CCSER1: variants seen among roughly 807,000 people sequenced by gnomAD.
The protein encoded by CCSER1 is serine-rich coiled-coil domain-containing protein 1.
CCSER1 carries 41 observed loss-of-function variants against 82.0 expected under a neutral mutation model. The ratio of observed to expected loss-of-function variants is 0.50; its 90% confidence interval spans 0.39 to 0.65. The LOEUF (loss-of-function observed/expected upper bound fraction) is 0.65, where lower values mean the gene tolerates loss of function less well. Among genes scored for constraint, CCSER1 ranks in the 30% least tolerant of loss-of-function variants. The probability of loss-of-function intolerance (pLI) is 0.00; values close to 1 mark genes in which losing one functional copy is unlikely to be tolerated. For synonymous variants in CCSER1, 414 were observed against 383.9 expected (o/e 1.08, Z -0.92); for missense variants, 1,119 against 1,064.2 (o/e 1.05, Z -0.72).
rs188314787 is a variant in CCSER1, at chr4:90,643,810, G to A, written c.1932+15578G>A. 8.8e-4 allele frequency among the ~76,000 whole-genome samples: 130 copies of A among 147,020 alleles called. 4 individuals carry two copies. In the East Asian group the frequency reaches 0.023, roughly 26 times the overall value. ...CATAGGTTTCTTTGGGTGTAATAAG[G>A]GGATTAAAAAAATCATATAAATGTT... On this transcript the variant is annotated intron_variant, in intron 6 of 10. Coordinates refer to ENST00000509176, the MANE Select transcript of CCSER1 (RefSeq NM_001145065.2).
chr4:91,457,931 G>A (rs182792003), intron 10 of CCSER1, among the ~76,000 whole-genome samples: 6 of 152,194 alleles, frequency 3.9e-5, no homozygotes, highest in East Asian at 3.9e-4. Flanking sequence ...GATATATGAT[G>A]TCAGACTATG....
intron 8 of CCSER1, among the ~76,000 whole-genome samples, chr4:90,833,836 C>T (rs1367067838): frequency 2.6e-5 from 4 of 152,104 alleles, no homozygotes; most frequent in Non-Finnish European, 5.9e-5. Flanking sequence ...TGGTCTTCAC[C>T]CTCAAGAATG....
chr4:91,558,213 CA>C (rs936687503), intron 10 of CCSER1, among the ~76,000 whole-genome samples: 32 of 151,280 alleles, frequency 2.1e-4, no homozygotes, highest in Non-Finnish European at 4.1e-4. Flanking sequence ...TATTCTCTTC[CA>C]AAACTTCATT....
At chr4:91,152,067 A>C (rs775884303) in intron 10 of CCSER1, among the ~76,000 whole-genome samples, 1 of 152,192 alleles carries the variant, frequency 6.6e-6, no homozygotes, top group Non-Finnish European at 1.5e-5. Flanking sequence ...TCATGTTGAC[A>C]GTGGGGTGTT....
chr4:90,387,064 G>A lies in CCSER1; in HGVS notation c.1510-12972G>A, dbSNP rs561368070. Among the ~76,000 whole-genome samples the A allele has an allele frequency of 9.9e-5, 15 of 152,168 alleles. No homozygotes were observed. The South Asian group carries it at 1.0e-3, about 11-fold the overall frequency. ...ATAAGAGTTAATGAATAAGGAATAC[G>A]TTAATTTTTATTACCAGAATTATGA... On this transcript the variant is annotated intron_variant, in intron 3 of 10. Coordinates refer to ENST00000509176, the MANE Select transcript of CCSER1 (RefSeq NM_001145065.2).
At chr4:91,334,087 T>G (rs55833235) in intron 10 of CCSER1, among the ~76,000 whole-genome samples, 1 of 152,064 alleles carries the variant, frequency 6.6e-6, no homozygotes, top group African/African-American at 2.4e-5. Flanking sequence ...AAAAATTCAG[T>G]GTTATTTCAA....
chr4:91,561,561 T>C (rs1762652333), intron 10 of CCSER1, among the ~76,000 whole-genome samples: 1 of 151,518 alleles, frequency 6.6e-6, no homozygotes, highest in African/African-American at 2.4e-5. Flanking sequence ...TAGCAATACA[T>C]GATATATGTA....
chr4:91,257,411 A>C (rs1369990768), intron 10 of CCSER1, among the ~76,000 whole-genome samples: 2 of 151,654 alleles, frequency 1.3e-5, no homozygotes, highest in Non-Finnish European at 2.9e-5. Flanking sequence ...TTTAATATTC[A>C]TGGTTTGACT....
chr4:91,449,471 A>G (rs1755755044), intron 10 of CCSER1, among the ~76,000 whole-genome samples: 1 of 151,934 alleles, frequency 6.6e-6, no homozygotes, highest in South Asian at 2.1e-4. Flanking sequence ...CTCAGTAGAC[A>G]CCTCTCTCTC....
chr4:91,506,947 A>G lies in CCSER1; in HGVS notation c.2218-91625A>G, dbSNP rs573705063. Among the ~76,000 whole-genome samples, 15 of 152,310 alleles carry G rather than the reference A, an allele frequency of 9.8e-5. 1 individual carries two copies. In the East Asian group the frequency reaches 2.1e-3, roughly 22 times the overall value. ...CATATTATTTTTATGGTTCATTCAT[A>G]TTGTAGCATGTATCAATGCCTCATT... is the stretch of plus-strand genomic sequence containing the variant. On this transcript the variant is annotated intron_variant, in intron 10 of 10. Coordinates refer to ENST00000509176, the MANE Select transcript of CCSER1 (RefSeq NM_001145065.2).
chr4:90,485,308 A>T (rs1205910357), intron 5 of CCSER1, among the ~76,000 whole-genome samples: 1 of 152,082 alleles, frequency 6.6e-6, no homozygotes, highest in African/African-American at 2.4e-5. Flanking sequence ...GAATTCCCTG[A>T]CCCGTTGCAC....
chr4:90,152,356 C>T (rs1256709590), intron 1 of CCSER1, among the ~76,000 whole-genome samples: 1 of 152,144 alleles, frequency 6.6e-6, no homozygotes, highest in Non-Finnish European at 1.5e-5. Flanking sequence ...TGCCCTTAAC[C>T]TGAGGCCAGG....
chr4:91,497,486 TA>T (rs1758987336), intron 10 of CCSER1, among the ~76,000 whole-genome samples: 1 of 151,804 alleles, frequency 6.6e-6, no homozygotes, highest in Admixed American at 6.6e-5. Context: ...ATAGATTATT[TA>T]ATCTGTAATG....
chr4:91,123,099 C>A (rs559525540), intron 10 of CCSER1, among the ~76,000 whole-genome samples: 7 of 151,652 alleles, frequency 4.6e-5, no homozygotes, highest in Middle Eastern at 3.4e-3. Flanking sequence ...TTCAATGATA[C>A]CTTTTTTAAA....
chr4:90,578,754 C>G (rs1297355024), intron 5 of CCSER1, among the ~76,000 whole-genome samples: 1 of 152,042 alleles, frequency 6.6e-6, no homozygotes, highest in Non-Finnish European at 1.5e-5. Context: ...ATTGTTCTGC[C>G]TGTAAAAGTA....
intron 5 of CCSER1, among the ~76,000 whole-genome samples, chr4:90,546,050 T>C (rs1776711098): frequency 6.6e-6 from 1 of 152,150 alleles, no homozygotes; most frequent in Admixed American, 6.6e-5. Flanking sequence ...GATGTGAGTT[T>C]CAAGGGCTGC....
At chr4:90,616,723 ACACACACACACACAC>A (rs1272379239) in intron 5 of CCSER1, among the ~76,000 whole-genome samples, 9 of 113,474 alleles carry the variant, frequency 7.9e-5, no homozygotes, top group African/African-American at 3.3e-4. Flanking sequence ...ACACACACAC[ACACACACACACACAC>A]AAATAAAATA....
intron 1 of CCSER1, among the ~76,000 whole-genome samples, chr4:90,150,680 A>G (rs1726666846): frequency 2.0e-5 from 3 of 152,146 alleles, no homozygotes; most frequent in African/African-American, 7.2e-5. Context: ...CATTTTATGT[A>G]TAGGACAATG....
intron 10 of CCSER1, among the ~76,000 whole-genome samples, chr4:91,583,533 C>CA (rs1763834594): frequency 6.6e-6 from 1 of 151,314 alleles, no homozygotes; most frequent in South Asian, 2.1e-4. Context: ...TCTAAGGACA[C>CA]ACGCAGATTT....
Sources: gnomAD v4.1 joint callset for allele counts (sites outside exome capture counted in the v4.1 genomes callset) on GRCh38, gnomAD v4.1.1 for gene constraint, MANE v1.5 for transcripts, NCBI Gene and HGNC (gene_info 2026-07-23, HGNC 2026-07-21) for gene names.